Variants in NR3C2 observed in about 807,000 individuals in gnomAD.
The protein encoded by NR3C2 is mineralocorticoid receptor.
In NR3C2, 15 loss-of-function variants were observed where a neutral mutation model predicts 86.4. The observed-to-expected ratio is 0.17, with a 90% confidence interval of 0.12 to 0.27. The LOEUF (loss-of-function observed/expected upper bound fraction) is 0.27. Among genes scored for constraint, NR3C2 ranks in the 10% least tolerant of loss-of-function variants. The pLI is 1.00. For synonymous variants in NR3C2, 458 were observed against 450.5 expected, an observed-to-expected ratio of 1.02 and a Z score of -0.21; for missense variants, 960 against 1,195.6, an observed-to-expected ratio of 0.80 and a Z score of 2.91.
At chr4:148,261,402 C>A (rs373748162) in intron 2 of NR3C2, among the ~76,000 whole-genome samples, 1,546 of 143,716 alleles carry the variant, frequency 0.011, 18 homozygotes, top group South Asian at 0.016. Context: ...GCGCTATGGT[C>A]AGTGCTATGG....
intron 6 of NR3C2, among the ~76,000 whole-genome samples, chr4:148,138,672 A>G (rs1382392779): frequency 6.6e-6 from 1 of 152,202 alleles, no homozygotes; most frequent in Non-Finnish European, 1.5e-5. Flanking sequence ...GTGTGAACCA[A>G]GATGCCCAGC....
chr4:148,370,396 A>G (rs1746356400), intron 2 of NR3C2, among the ~76,000 whole-genome samples: 1 of 152,216 alleles, frequency 6.6e-6, no homozygotes, highest in Non-Finnish European at 1.5e-5. Flanking sequence ...CTAAGCAAGG[A>G]GATGGTTGCT....
chr4:148,432,631 C>T (rs550765566), intron 2 of NR3C2, among the ~76,000 whole-genome samples: 15 of 152,196 alleles, frequency 9.9e-5, no homozygotes, highest in African/African-American at 3.6e-4. Flanking sequence ...TATACACTGC[C>T]TTGATCCTTT....
chr4:148,124,235 A>AAAACCAAACCAAACC (rs56820575), intron 6 of NR3C2, among the ~76,000 whole-genome samples: 226 of 150,908 alleles, frequency 1.5e-3, no homozygotes, highest in South Asian at 1.9e-3. Flanking sequence ...ACTCCATCCC[A>AAAACCAAACCAAACC]AAACCAAACC....
rs189873650 is a variant in NR3C2, at chr4:148,246,722, T to G, written c.1897+13256A>C. 5.0e-3 allele frequency among the ~76,000 whole-genome samples: 760 copies of G among 152,170 alleles called. 8 individuals carry two copies. Among genetic ancestry groups the G allele is most frequent in the African/African-American group, 0.018 (738 of 41,518 alleles). On this transcript the variant is annotated intron_variant, in intron 3 of 8. Transcript: ENST00000358102. ...GCTCACCACCACGCCAGGCTAATTT[T>G]TTGTATTTTTAGTAGAGACAGGGTT...
intron 4 of NR3C2, among the ~76,000 whole-genome samples, chr4:148,160,129 G>C (rs1039665041): frequency 4.6e-5 from 7 of 152,100 alleles, no homozygotes; most frequent in African/African-American, 1.4e-4. Context: ...GCTGCCCTCA[G>C]GTGCCTAGTC....
chr4:148,127,695 T>C (rs1025369649), intron 6 of NR3C2, among the ~76,000 whole-genome samples: 8 of 152,226 alleles, frequency 5.3e-5, no homozygotes, highest in African/African-American at 1.9e-4. Flanking sequence ...ACTTTACTTT[T>C]GGATAAATAA....
At chr4:148,172,302 A>T (rs371216784) in intron 4 of NR3C2, among the ~76,000 whole-genome samples, 27 of 152,300 alleles carry the variant, frequency 1.8e-4, no homozygotes, top group Non-Finnish European at 3.4e-4. Context: ...TTCTGGTGAC[A>T]AAAATTTTAG....
chr4:148,142,521 G>A (rs931748283), intron 6 of NR3C2, among the ~76,000 whole-genome samples: 3 of 152,098 alleles, frequency 2.0e-5, no homozygotes, highest in Non-Finnish European at 2.9e-5. Context: ...AAAGGGCCTC[G>A]TTTTGCTCTG....
intron 6 of NR3C2, among the ~76,000 whole-genome samples, chr4:148,131,689 G>T: frequency 6.6e-6 from 1 of 152,176 alleles, no homozygotes; most frequent in Non-Finnish European, 1.5e-5. Flanking sequence ...ATTGTGGTCT[G>T]CCTTACTGGT....
intron 6 of NR3C2, among the ~76,000 whole-genome samples, chr4:148,148,759 T>C (rs182472314): frequency 1.5e-4 from 23 of 152,336 alleles, no homozygotes; most frequent in Admixed American, 3.9e-4. Context: ...GCACTTTTCC[T>C]TTCAATACTT....
chr4:148,329,733 C>T (rs779121260), intron 2 of NR3C2, among the ~76,000 whole-genome samples: 2 of 152,198 alleles, frequency 1.3e-5, no homozygotes, highest in South Asian at 2.1e-4. Context: ...AAGTTGAGAA[C>T]GTTTAAGCAA....
chr4:148,159,787 C>T lies in NR3C2; in HGVS notation c.2015-4886G>A, dbSNP rs1307419045. ...AAGATGTTTGCTAATTACACAGGAA[C>T]ATTGCTGGCTGAAGATACTTAAGGA... On this transcript the variant is annotated intron_variant, in intron 4 of 8. Coordinates refer to ENST00000358102, the MANE Select transcript of NR3C2 (RefSeq NM_000901.5). Among the ~76,000 whole-genome samples, 3 of 152,196 alleles carry T rather than the reference C, an allele frequency of 2.0e-5. No individual in the cohort carries two copies. In the East Asian group the frequency reaches 5.8e-4, roughly 29 times the overall value.
chr4:148,304,523 G>T (rs1001457616), intron 2 of NR3C2, among the ~76,000 whole-genome samples: 1 of 151,946 alleles, frequency 6.6e-6, no homozygotes, highest in African/African-American at 2.4e-5. Context: ...TCAGACAATG[G>T]CCCCTTCTGC....
chr4:148,425,002 T>A (rs181726117), intron 2 of NR3C2, among the ~76,000 whole-genome samples: 1 of 152,264 alleles, frequency 6.6e-6, no homozygotes, highest in East Asian at 1.9e-4. Flanking sequence ...TATACTGAGA[T>A]GAGAAAAAGG....
At chr4:148,186,964 T>C (rs1735925305) in intron 4 of NR3C2, among the ~76,000 whole-genome samples, 1 of 142,248 alleles carries the variant, frequency 7.0e-6, no homozygotes, top group Non-Finnish European at 1.5e-5. Flanking sequence ...TATGTCTGCA[T>C]AGTATTCCAT....
upstream of NR3C2, chr4:148,443,896 C>T (rs1750474007): frequency 5.8e-6 from 4 of 691,602 alleles, no homozygotes; most frequent in Admixed American, 6.3e-5. Flanking sequence ...CTCTCAGCCG[C>T]TCCAGTCAGG....
At chr4:148,089,137 T>C (rs1730950304) in intron 8 of NR3C2, among the ~76,000 whole-genome samples, 1 of 152,186 alleles carries the variant, frequency 6.6e-6, no homozygotes. Context: ...AACTGTTTGG[T>C]AAAGGCATCC....
At chr4:148,414,311 T>C (rs2126581226) in intron 2 of NR3C2, among the ~76,000 whole-genome samples, 1 of 152,164 alleles carries the variant, frequency 6.6e-6, no homozygotes, top group Admixed American at 6.5e-5. Context: ...GTGAAAAGGG[T>C]GGGGAAGGGA....
Sources: allele counts gnomAD v4.1 joint callset (sites outside exome capture counted in the v4.1 genomes callset), GRCh38; gene constraint gnomAD v4.1.1; transcripts MANE v1.5; gene names NCBI Gene and HGNC (gene_info 2026-07-23, HGNC 2026-07-21).